The following AFF3 variants were observed in gnomAD, a reference collection of about 807,000 sequenced individuals.
AFF3 encodes the protein AF4/FMR2 family member 3.
AFF3 carries 32 observed loss-of-function variants against 129.7 expected under a neutral mutation model. The observed-to-expected ratio is 0.25, with a 90% CI of 0.19 to 0.33. AFF3 has a LOEUF of 0.33. Ranked by LOEUF, AFF3 falls within the 10% of genes least tolerant of loss-of-function variation. The probability of loss-of-function intolerance (pLI) is 1.00; values close to 1 mark genes in which losing one functional copy is unlikely to be tolerated. For missense variants in AFF3, 1,373 were observed against 1,592.0 expected (o/e 0.86, Z 2.34); for synonymous variants, 644 against 635.4 (o/e 1.01, Z -0.20).
chr2:99,673,579 C>T (rs965133365), intron 11 of AFF3, among the ~76,000 whole-genome samples: 8 of 152,188 alleles, frequency 5.3e-5, no homozygotes, highest in African/African-American at 7.2e-5. Context: ...CACGCAGAGA[C>T]GCTCTGAGGG....
At chr2:100,009,426 T>G (rs1682300037) in intron 4 of AFF3, among the ~76,000 whole-genome samples, 1 of 152,144 alleles carries the variant, frequency 6.6e-6, no homozygotes, top group Non-Finnish European at 1.5e-5. Context: ...GCAGTGGTTT[T>G]CACAGTTATG....
intron 13 of AFF3, among the ~76,000 whole-genome samples, chr2:99,628,493 T>C (rs190931500): frequency 9.6e-4 from 146 of 152,248 alleles, no homozygotes; most frequent in African/African-American, 3.4e-3. Context: ...TACAGGATCG[T>C]GTCATCTGCA....
At chr2:99,885,127 C>T (rs1209060775) in intron 7 of AFF3, among the ~76,000 whole-genome samples, 1 of 152,166 alleles carries the variant, frequency 6.6e-6, no homozygotes, top group Admixed American at 6.5e-5. Flanking sequence ...CAAAAGCAGC[C>T]CTGCCCTCAG....
chr2:100,081,430 G>A (rs201551539), intron 4 of AFF3, among the ~76,000 whole-genome samples: 35 of 151,856 alleles, frequency 2.3e-4, no homozygotes, highest in African/African-American at 6.3e-4. Flanking sequence ...CTGGGCAAGC[G>A]AGAAAATCGC....
At chr2:100,126,984 G>A (rs1385903051) in intron 2 of AFF3, among the ~76,000 whole-genome samples, 1 of 152,212 alleles carries the variant, frequency 6.6e-6, no homozygotes, top group East Asian at 1.9e-4. Context: ...TTGCTTCAAT[G>A]AGCTGTTGGC....
At chr2:99,689,889 C>T (rs1196454503) in intron 11 of AFF3, among the ~76,000 whole-genome samples, 2 of 151,400 alleles carry the variant, frequency 1.3e-5, no homozygotes, top group African/African-American at 4.8e-5. Context: ...GAGTTCGAGA[C>T]CAGCATGACC....
intron 7 of AFF3, among the ~76,000 whole-genome samples, chr2:99,992,863 A>C (rs771343682): frequency 2.6e-5 from 4 of 152,238 alleles, no homozygotes; most frequent in Non-Finnish European, 5.9e-5. Context: ...TAGTCTGGAC[A>C]CATGGTGACC....
chr2:99,818,321 T>A (rs1687398484), intron 8 of AFF3, among the ~76,000 whole-genome samples: 1 of 152,214 alleles, frequency 6.6e-6, no homozygotes, highest in African/African-American at 2.4e-5. Flanking sequence ...TTGAGACTAT[T>A]AGGTGGGTGC....
At chr2:99,911,624 ATTTGCAAAATGGTC>A (rs2106199535) in intron 7 of AFF3, among the ~76,000 whole-genome samples, 1 of 152,292 alleles carries the variant, frequency 6.6e-6, no homozygotes, top group African/African-American at 2.4e-5. Context: ...ATTATGTATT[ATTTGCAAAATGGTC>A]CTTTGAAAAA....
chr2:99,778,907 TG>T (rs1684171200), intron 8 of AFF3, among the ~76,000 whole-genome samples: 3 of 125,334 alleles, frequency 2.4e-5, no homozygotes, highest in African/African-American at 1.6e-4. Flanking sequence ...CGTGTGTGTG[TG>T]TGTGTGTGTG....
At chr2:99,724,215 T>C (rs183365796) in intron 11 of AFF3, among the ~76,000 whole-genome samples, 2 of 148,126 alleles carry the variant, frequency 1.4e-5, no homozygotes, top group Non-Finnish European at 3.0e-5. Context: ...GTATGGAAAA[T>C]GGGCAAAAAT....
chr2:99,812,233 T>C (rs1576058706), intron 8 of AFF3, among the ~76,000 whole-genome samples: 2 of 152,324 alleles, frequency 1.3e-5, no homozygotes, highest in South Asian at 2.1e-4. Flanking sequence ...CATTTTTTCC[T>C]TTCCTTTCCA....
At chr2:100,081,879 T>C (rs1198844113) in intron 4 of AFF3, among the ~76,000 whole-genome samples, 2 of 152,200 alleles carry the variant, frequency 1.3e-5, no homozygotes, top group Non-Finnish European at 2.9e-5. Context: ...TGGTCAGAAG[T>C]AAACTCACAT....
intron 7 of AFF3, among the ~76,000 whole-genome samples, chr2:99,912,812 C>T (rs200261481): frequency 6.6e-6 from 1 of 152,224 alleles, no homozygotes; most frequent in Non-Finnish European, 1.5e-5. Context: ...GTTATGGCTA[C>T]TTTAAGTCAC....
chr2:99,881,254 G>C (rs888034218), intron 7 of AFF3, among the ~76,000 whole-genome samples: 1 of 152,136 alleles, frequency 6.6e-6, no homozygotes, highest in Non-Finnish European at 1.5e-5. Flanking sequence ...TCTGACAAAT[G>C]TAAGTGCTGG....
chr2:99,905,570 C>T (rs1694656741), intron 7 of AFF3, among the ~76,000 whole-genome samples: 1 of 152,184 alleles, frequency 6.6e-6, no homozygotes, highest in African/African-American at 2.4e-5. Context: ...CTTTGCTCTC[C>T]TGTGTTTATT....
intron 4 of AFF3, among the ~76,000 whole-genome samples, chr2:100,040,454 C>A (rs1429533885): frequency 2.0e-5 from 3 of 152,212 alleles, no homozygotes; most frequent in African/African-American, 7.2e-5. Flanking sequence ...TGGAGACCAT[C>A]CTCTTCTCAG....
intron 7 of AFF3, among the ~76,000 whole-genome samples, chr2:99,889,690 A>G (rs1028763849): frequency 1.3e-5 from 2 of 152,142 alleles, no homozygotes; most frequent in Non-Finnish European, 2.9e-5. Context: ...ACAGAGTCTC[A>G]CTCTGTTGCC....
At chr2:100,040,049 TAAG>T (rs1242284197) in intron 4 of AFF3, among the ~76,000 whole-genome samples, 1 of 152,142 alleles carries the variant, frequency 6.6e-6, no homozygotes, top group African/African-American at 2.4e-5. Context: ...GCCTCAGCAT[TAAG>T]AAGGACTGCA....
Sources: allele counts gnomAD v4.1 joint callset (sites outside exome capture counted in the v4.1 genomes callset), GRCh38; gene constraint gnomAD v4.1.1; transcripts MANE v1.5; gene names NCBI Gene and HGNC (gene_info 2026-07-23, HGNC 2026-07-21).